The following RBM4B variants were observed in gnomAD, a reference collection of about 807,000 sequenced individuals.
RBM4B encodes RNA-binding protein 4B.
In RBM4B, 13 loss-of-function variants were observed where a neutral mutation model predicts 28.5. The observed-to-expected ratio is 0.46, with a 90% CI of 0.30 to 0.72. The LOEUF is 0.72. Ranked by LOEUF, RBM4B falls within the 30% of genes least tolerant of loss-of-function variation. The pLI, the probability that RBM4B is intolerant of heterozygous loss-of-function variation, is 0.09. For synonymous variants in RBM4B, 167 were observed against 179.1 expected (o/e 0.93, Z 0.54); for missense variants, 387 against 477.6 (o/e 0.81, Z 1.77).
rs529466760 is a variant in RBM4B at position 66,668,976 on chromosome 11, T to C, written c.728A>G (p.Tyr243Cys). ...AAAAAASAYN[Y>C]AEQTMSHLPQ... ...CAGATGGGACATGGTCTGCTCTGCG[T>C]AGTTGTATGCAGAAGCCGCTGCCGC... The change falls in exon 3 of 4, where the codon TAC becomes TGC. Residue 243 changes from tyrosine (Y) to cysteine (C), a missense_variant. This residue lies in a region of RBM4B where 226 missense variants were observed against 220.6 expected (regional missense o/e 1.02). Transcript: ENST00000310046. 1.7e-5 allele frequency: 27 copies of C among 1,614,072 alleles called. No homozygotes were observed. The highest frequency in any genetic ancestry group is 1.6e-4 in the Middle Eastern group (1 of 6,084).
In RBM4B at chr11:66,668,664, C is replaced by G; in HGVS notation, c.1040G>C (p.Arg347Pro). The change falls in exon 3 of 4, where the codon CGG becomes CCG. Residue 347 changes from arginine (R) to proline (P), a missense_variant. By Grantham distance (103) the Arg-to-Pro change is moderately radical. This residue lies in a region of RBM4B where 226 missense variants were observed against 220.6 expected (regional missense o/e 1.02). Coordinates refer to ENST00000310046, the MANE Select transcript of RBM4B (RefSeq NM_031492.4). The stretch of plus-strand genomic sequence containing the variant: ...CCGGGCTCGGTCCACATACTGCTCC[C>G]GTTCATACCGGGCCATGTCATACAG... The part of the protein sequence containing the change: ...NSLYDMARYE[R>P]EQYVDRARYS... 6.2e-7 allele frequency: 1 copy of G among 1,613,526 alleles called. No individual in the cohort carries two copies. Among genetic ancestry groups the G allele is most frequent in the Non-Finnish European group, 8.5e-7 (1 of 1,179,464 alleles).
chr11:66,674,418 C>A (rs1415476937), intron 2 of RBM4B, among the ~76,000 whole-genome samples: 1 of 151,436 alleles, frequency 6.6e-6, no homozygotes, highest in Non-Finnish European at 1.5e-5. Flanking sequence ...TTAGTAGAGA[C>A]GGGGTTTCAC....
At chr11:66,674,092 G>GGA (rs1446075703) in intron 2 of RBM4B, among the ~76,000 whole-genome samples, 1 of 150,516 alleles carries the variant, frequency 6.6e-6, no homozygotes, top group African/African-American at 2.5e-5. Flanking sequence ...GCATTATTCA[G>GGA]ATACATCCTA....
chr11:66,676,215 A>G (rs193184476), intron 2 of RBM4B: 17 of 186,082 alleles, frequency 9.1e-5, no homozygotes, highest in Admixed American at 3.4e-4. Flanking sequence ...CTTCCTCTAG[A>G]TGTCTTTTTT....
At chr11:66,666,111 C>T in intron 3 of RBM4B, 1 of 809,930 alleles carries the variant, frequency 1.2e-6, no homozygotes, top group South Asian at 1.9e-5. Context: ...ACCTACATGT[C>T]ACACTGTCAC....
At chr11:66,671,403 G>A (rs1939460124) in intron 2 of RBM4B, among the ~76,000 whole-genome samples, 1 of 152,090 alleles carries the variant, frequency 6.6e-6, no homozygotes, top group Non-Finnish European at 1.5e-5. Context: ...TAAATGACTT[G>A]GCTTTCAAAT....
rs188982241 is a variant in RBM4B at position 66,667,905 on chromosome 11, C to A, written c.*9+710G>T. Reference sequence around the variant, plus strand: ...TTTTCTTTGTAGAGACAGGGTCTTGCTATGTTGCCTAGGCTGGTCTTGAAC... The same window carrying A: ...TTTTCTTTGTAGAGACAGGGTCTTGATATGTTGCCTAGGCTGGTCTTGAAC... On this transcript the variant is annotated intron_variant, in intron 3 of 3. Coordinates refer to ENST00000310046, the MANE Select transcript of RBM4B (RefSeq NM_031492.4). The A allele has an allele frequency of 3.4e-3, 516 of 152,400 alleles. 2 individuals carry two copies. Among genetic ancestry groups the A allele is most frequent in the Non-Finnish European group, 4.3e-3 (295 of 68,212 alleles). 9.4% of individuals were successfully genotyped at this position (152,400 alleles called of 1,614,324 possible).
In RBM4B at chr11:66,665,536, A is replaced by G; in HGVS notation, c.*52T>C. On this transcript the variant is annotated 3_prime_UTR_variant, in exon 4 of 4. Transcript: ENST00000310046. The stretch of plus-strand genomic sequence containing the variant: ...AGGGGACCGCGCGGAGCAAGTTCTC[A>G]TATATGACCGCAGCCCGAGGGTTCA... The G allele has an allele frequency of 6.7e-7, 1 of 1,486,026 alleles. No individual in the cohort carries two copies. The highest frequency in any genetic ancestry group is 9.1e-7 in the Non-Finnish European group (1 of 1,101,100). The allele number at this position is 1,486,026 out of a possible 1,614,324, so 92.1% of individuals were successfully genotyped here. A position where few individuals can be genotyped will look rare whatever the true frequency, so the allele number is the denominator to read the frequency against.
Position 66,668,770 on chromosome 11 carries a change from T to C in RBM4B, c.934A>G (p.Met312Val). ...TAGCCCTCTCCAACTGTGGGGAGCA[T>C]GGCTGCAGCACGACGCAGTGGGCTC... Reference protein sequence around the residue: ...DRSPLRRAAAMLPTVGEGYGY... With the variant: ...DRSPLRRAAAVLPTVGEGYGY... The change falls in exon 3 of 4, where the codon ATG becomes GTG. Residue 312 changes from methionine (M) to valine (V), a missense_variant. Around this residue, in one of 2 missense-constraint regions of RBM4B, gnomAD observed 226 missense variants for 220.6 expected, o/e 1.02. Transcript: ENST00000310046. 4 of 1,614,228 alleles carry C rather than the reference T, an allele frequency of 2.5e-6. No individual in the cohort carries two copies. The highest frequency in any genetic ancestry group is 3.4e-6 in the Non-Finnish European group (4 of 1,180,038).
rs769779505 is a variant in RBM4B, at chr11:66,668,828, T to C, written c.876A>G (p.Ala292=). 7 of 1,614,014 alleles carry C rather than the reference T, an allele frequency of 4.3e-6. No homozygotes were observed. In the South Asian group the frequency reaches 6.6e-5, roughly 15 times the overall value. ...TTCCATAGTAGGAGGAAGTGGTGGC[T>C]GCAGCAGCAGCCATAGCAGCTGAAG... The part of the protein sequence containing the change: ...AATSAAMAAA[A]ATTSSYYGRD... Residue 292 remains alanine, a synonymous_variant, in exon 3 of 4, where the codon GCA becomes GCG. Coordinates refer to ENST00000310046, the MANE Select transcript of RBM4B (RefSeq NM_031492.4).
chr11:66,676,275 A>C (rs1314347458), intron 2 of RBM4B: 1 of 308,016 alleles, frequency 3.2e-6, no homozygotes, highest in Admixed American at 4.5e-5. Context: ...ATAAATCTTA[A>C]GCACTTAAAC....
intron 2 of RBM4B, among the ~76,000 whole-genome samples, chr11:66,669,797 A>C (rs1210383515): frequency 1.3e-5 from 2 of 152,208 alleles, no homozygotes; most frequent in Non-Finnish European, 2.9e-5. Context: ...TTCCTCAGAG[A>C]CCAGTCAATA....
intron 3 of RBM4B, chr11:66,667,557 C>T (rs1230305359): frequency 6.6e-6 from 1 of 152,162 alleles, no homozygotes; most frequent in Non-Finnish European, 1.5e-5. Context: ...ATAAGGACCC[C>T]ATGGGACAGA....
In RBM4B at chr11:66,668,923, T is replaced by C. The variant is rs768380966; in HGVS notation, c.781A>G (p.Ser261Gly). 38 of 1,614,098 alleles carry C rather than the reference T, an allele frequency of 2.4e-5. No homozygotes were observed. The highest frequency in any genetic ancestry group is 1.9e-5 in the Non-Finnish European group (23 of 1,180,050). ...TCAACAGAAGTAGAGTTGAGGTGGC[T>C]GGTCACAGTTGTGCTTTGGACTTGA... ...LPQVQSTTVT[S>G]HLNSTSVDPY... is the part of the protein sequence containing the mutation. The change falls in exon 3 of 4, where the codon AGC becomes GGC. Residue 261 changes from serine to glycine, a missense_variant. Physicochemically the swap from Ser to Gly is moderately conservative, Grantham distance 56. Transcript: ENST00000310046.
At chr11:66,677,588 T>G (rs1376782224) in intron 1 of RBM4B, 176 bp downstream of exon 1, 1 of 155,604 alleles carries the variant, frequency 6.4e-6, no homozygotes, top group East Asian at 1.9e-4. Context: ...CAACAAAGAC[T>G]CGACCCGACC....
chr11:66,668,753 T>TC lies in RBM4B; in HGVS notation c.950dup (p.Glu318ArgfsTer10). 6.2e-7 allele frequency: 1 copy of TC among 1,614,172 alleles called. No individual in the cohort carries two copies. Among genetic ancestry groups the TC allele is most frequent in the Non-Finnish European group, 8.5e-7 (1 of 1,180,016 alleles). ...TCTCTGGCCCATAACCGTAGCCCTCTCCAACTGTGGGGAGCATGGCTGCAG... is the reference window on the plus strand; with the variant it reads ...TCTCTGGCCCATAACCGTAGCCCTCTCCCAACTGTGGGGAGCATGGCTGCAG... On this transcript the variant is annotated frameshift_variant, in exon 3 of 4. Coordinates refer to ENST00000310046, the MANE Select transcript of RBM4B (RefSeq NM_031492.4). LOFTEE classifies it high-confidence loss of function.
chr11:66,675,981 A>G (rs1247405693), intron 2 of RBM4B: 6 of 152,550 alleles, frequency 3.9e-5, no homozygotes, highest in Admixed American at 3.9e-4. Context: ...ATAGTATGAT[A>G]TGCTCTACGA....
At position 66,665,281 on chromosome 11, in the gene RBM4B, AG is replaced by A. The variant is rs1939183934; in HGVS notation, c.*306del. The A allele has an allele frequency of 4.8e-6, 2 of 417,870 alleles. No individual in the cohort carries two copies. Among genetic ancestry groups the A allele is most frequent in the Non-Finnish European group, 8.7e-6 (2 of 230,722 alleles). 25.9% of individuals were successfully genotyped at this position (417,870 alleles called of 1,614,324 possible). On this transcript the variant is annotated 3_prime_UTR_variant, in exon 4 of 4. Transcript: ENST00000310046. ...AGGCAGGGAGAAGGATTCAACTCCT[AG>A]GGAAAGCAAGATAAGAGGGGTTCCA...
At position 66,668,781 on chromosome 11, in the gene RBM4B, C is replaced by A. The variant is rs200574397; in HGVS notation, c.923G>T (p.Arg308Leu). The change falls in exon 3 of 4, where the codon CGT becomes CTT. Residue 308 changes from arginine (R) to leucine (L), a missense_variant. Transcript: ENST00000310046. ...YYGRDRSPLRRAAAMLPTVGE... is the reference protein window; with the variant it reads ...YYGRDRSPLRLAAAMLPTVGE... ...AACTGTGGGGAGCATGGCTGCAGCA[C>A]GACGCAGTGGGCTCCTGTCCCTTCC... 107 of 1,614,074 alleles carry A rather than the reference C, an allele frequency of 6.6e-5. No individual in the cohort carries two copies. The highest frequency in any genetic ancestry group is 8.0e-5 in the Non-Finnish European group (94 of 1,180,048).
Sources: gnomAD v4.1 joint callset for allele counts (sites outside exome capture counted in the v4.1 genomes callset) on GRCh38, gnomAD v4.1.1 for gene constraint, gnomAD v4.1.1 regional missense constraint, MANE v1.5 for transcripts, NCBI Gene and HGNC (gene_info 2026-07-23, HGNC 2026-07-21) for gene names.